The following LTBP1 variants were observed in gnomAD, a reference collection of about 807,000 sequenced individuals.
The protein encoded by LTBP1 is latent-transforming growth factor beta-binding protein 1.
LTBP1 carries 129 observed loss-of-function variants against 207.6 expected under a neutral mutation model. The ratio of observed to expected loss-of-function variants is 0.62; its 90% CI spans 0.54 to 0.72. The LOEUF (loss-of-function observed/expected upper bound fraction) is 0.72. LTBP1 is among the 30% of genes least tolerant of loss of function. The probability of loss-of-function intolerance (pLI) is 0.00; values close to 1 mark genes in which losing one functional copy is unlikely to be tolerated. For synonymous variants in LTBP1, 963 were observed against 833.7 expected (o/e 1.16, Z -2.67); for missense variants, 2,281 against 2,217.2 (o/e 1.03, Z -0.58).
intron 5 of LTBP1, among the ~76,000 whole-genome samples, chr2:33,183,535 C>T (rs2086883804): frequency 6.6e-6 from 1 of 152,154 alleles, no homozygotes; most frequent in African/African-American, 2.4e-5. Flanking sequence ...AGTTAATATA[C>T]CTTGGTAAGT....
chr2:33,033,695 T>G (rs1326371022), intron 3 of LTBP1, among the ~76,000 whole-genome samples: 1 of 152,014 alleles, frequency 6.6e-6, no homozygotes. Context: ...ATGGACTTTC[T>G]TTTGTATGGA....
At chr2:33,233,608 A>G (rs945487917) in intron 9 of LTBP1, among the ~76,000 whole-genome samples, 1 of 151,694 alleles carries the variant, frequency 6.6e-6, no homozygotes, top group Non-Finnish European at 1.5e-5. Context: ...CATCCTCCCC[A>G]CCCTTTTCCT....
chr2:33,040,809 G>A (rs1558550196), intron 3 of LTBP1, among the ~76,000 whole-genome samples: 1 of 152,216 alleles, frequency 6.6e-6, no homozygotes, highest in Non-Finnish European at 1.5e-5. Context: ...CTTTTCTGGA[G>A]GTTATTCCCT....
chr2:33,122,157 G>T (rs995261747), intron 4 of LTBP1, among the ~76,000 whole-genome samples: 2 of 150,546 alleles, frequency 1.3e-5, no homozygotes, highest in African/African-American at 2.5e-5. Context: ...CGAGTCTATG[G>T]GTTCGGAGCG....
intron 5 of LTBP1, among the ~76,000 whole-genome samples, chr2:33,178,947 C>G (rs1211823633): frequency 2.0e-5 from 3 of 152,080 alleles, no homozygotes; most frequent in Non-Finnish European, 4.4e-5. Flanking sequence ...CACTGTGTTG[C>G]CAAAGCTGGT....
At chr2:33,193,366 T>C (rs2088138066) in intron 7 of LTBP1, among the ~76,000 whole-genome samples, 1 of 152,198 alleles carries the variant, frequency 6.6e-6, no homozygotes, top group Non-Finnish European at 1.5e-5. Context: ...GGTTTAGAAC[T>C]CCTGACCTCA....
chr2:32,974,670 G>C (rs901668648), intron 2 of LTBP1, among the ~76,000 whole-genome samples: 1 of 152,072 alleles, frequency 6.6e-6, no homozygotes, highest in African/African-American at 2.4e-5. Context: ...TTTAAAGTCT[G>C]TTTTGTTTAA....
intron 8 of LTBP1, among the ~76,000 whole-genome samples, chr2:33,220,025 T>C (rs943847030): frequency 4.6e-5 from 7 of 152,216 alleles, no homozygotes; most frequent in Admixed American, 3.3e-4. Flanking sequence ...TTGCTGTCAC[T>C]TTTAACTAAA....
intron 8 of LTBP1, among the ~76,000 whole-genome samples, chr2:33,218,621 T>G (rs2090890687): frequency 6.6e-6 from 1 of 152,154 alleles, no homozygotes; most frequent in Admixed American, 6.5e-5. Flanking sequence ...GGTCTCCAAC[T>G]CCTAACCTCA....
intron 32 of LTBP1, among the ~76,000 whole-genome samples, chr2:33,393,234 CTTTTTTTT>C (rs569734292): frequency 2.1e-5 from 1 of 48,744 alleles, no homozygotes; most frequent in Non-Finnish European, 3.8e-5. Flanking sequence ...CCTTCTTCTT[CTTTTTTTT>C]TTTTTTTTTT....
intron 7 of LTBP1, among the ~76,000 whole-genome samples, chr2:33,216,605 G>A (rs1382531088): frequency 6.6e-6 from 1 of 152,180 alleles, no homozygotes; most frequent in Non-Finnish European, 1.5e-5. Flanking sequence ...GATTTTTGTA[G>A]AGGCTGAGGC....
Position 33,262,834 on chromosome 2 carries a change from G to T in LTBP1, c.2518+13G>T. The T allele has an allele frequency of 6.4e-7, 1 of 1,569,784 alleles. No homozygotes were observed. The highest frequency in any genetic ancestry group is 8.7e-7 in the Non-Finnish European group (1 of 1,147,902). ...CCACAGTTTCCAGGTAGCCTGTGTT[G>T]ATCTGTGCTGTTTGTCAGAGTATTC... On this transcript the variant is annotated intron_variant, in intron 14 of 33. Transcript: ENST00000404816.
intron 4 of LTBP1, among the ~76,000 whole-genome samples, chr2:33,131,124 G>C (rs2081764909): frequency 6.6e-6 from 1 of 152,046 alleles, no homozygotes; most frequent in Non-Finnish European, 1.5e-5. Flanking sequence ...GATCTCTGTG[G>C]GATCCGACAG....
At chr2:33,178,170 G>A (rs926731397) in intron 5 of LTBP1, among the ~76,000 whole-genome samples, 2 of 152,194 alleles carry the variant, frequency 1.3e-5, no homozygotes, top group African/African-American at 4.8e-5. Flanking sequence ...GGTGTTTGGT[G>A]TTTCTGCAGC....
At chr2:33,062,531 T>C (rs2077315401) in intron 3 of LTBP1, among the ~76,000 whole-genome samples, 1 of 152,216 alleles carries the variant, frequency 6.6e-6, no homozygotes, top group African/African-American at 2.4e-5. Flanking sequence ...ATCTAGTTGT[T>C]CAGGATCATT....
At chr2:33,341,527 T>C in intron 24 of LTBP1, among the ~76,000 whole-genome samples, 1 of 151,616 alleles carries the variant, frequency 6.6e-6, no homozygotes, top group East Asian at 1.9e-4. Flanking sequence ...CTGGCTAACA[T>C]GGTGAAACAC....
chr2:33,080,434 G>A (rs536282179), intron 3 of LTBP1, among the ~76,000 whole-genome samples: 36 of 152,078 alleles, frequency 2.4e-4, no homozygotes, highest in African/African-American at 8.7e-4. Flanking sequence ...TTTGTCTGTT[G>A]TCTACTTAAG....
chr2:33,192,803 G>A (rs2088056743), intron 7 of LTBP1, among the ~76,000 whole-genome samples: 1 of 152,174 alleles, frequency 6.6e-6, no homozygotes, highest in African/African-American at 2.4e-5. Flanking sequence ...CAAGATGCCA[G>A]CATGTGACCA....
rs192271167 is a variant in LTBP1 at position 33,320,480 on chromosome 2, A to T, written c.3730+5211A>T. On this transcript the variant is annotated intron_variant, in intron 24 of 33. Coordinates refer to ENST00000404816, the MANE Select transcript of LTBP1 (RefSeq NM_206943.4). ...GAAGTGGAAAGCTGCTTTGATGCTA[A>T]CTGGGGTGGTCAGAATCGGCTTTTC... Among the ~76,000 whole-genome samples the T allele has an allele frequency of 2.0e-5, 3 of 152,278 alleles. No individual in the cohort carries two copies. The East Asian group carries it at 5.8e-4, about 29-fold the overall frequency.
Sources: gnomAD v4.1 joint callset for allele counts (sites outside exome capture counted in the v4.1 genomes callset) on GRCh38, gnomAD v4.1.1 for gene constraint, MANE v1.5 for transcripts, NCBI Gene and HGNC (gene_info 2026-07-23, HGNC 2026-07-21) for gene names.